The following HSF1 variants were observed in gnomAD, a reference collection of about 807,000 sequenced individuals.
HSF1 encodes the protein heat shock factor protein 1.
A neutral mutation model predicts 51.7 loss-of-function variants in HSF1; 32 were observed. The ratio of observed to expected loss-of-function variants is 0.62; its 90% CI spans 0.47 to 0.83. The LOEUF (loss-of-function observed/expected upper bound fraction) is 0.83. Ranked by LOEUF, HSF1 falls within the 40% of genes least tolerant of loss-of-function variation. The probability of loss-of-function intolerance (pLI) is 0.00; values close to 1 mark genes in which losing one functional copy is unlikely to be tolerated. For synonymous variants in HSF1, 396 were observed against 309.7 expected (o/e 1.28, Z -2.92); for missense variants, 727 against 717.0 (o/e 1.01, Z -0.16).
At chr8:144,311,075 C>G (rs1299510916) in intron 4 of HSF1, 99 bp from the exon 5 acceptor site, 2 of 1,137,860 alleles carry the variant, frequency 1.8e-6, no homozygotes, top group South Asian at 2.8e-5. Context: ...GTCACACTTA[C>G]CCCTGCTCCT....
intron 1 of HSF1, among the ~76,000 whole-genome samples, chr8:144,308,280 C>T (rs373643116): frequency 8.5e-5 from 13 of 152,358 alleles, no homozygotes; most frequent in African/African-American, 2.6e-4. Flanking sequence ...CCACGGCCAA[C>T]AGGGATGCCT....
intron 9 of HSF1, 90 bp from the exon 10 acceptor site, chr8:144,313,421 G>C (rs1816822531): frequency 1.2e-6 from 1 of 842,248 alleles, no homozygotes; most frequent in African/African-American, 1.7e-5. Context: ...AGCCTGGGGG[G>C]TACAGTCAAG....
intron 3 of HSF1, 39 bp from the exon 4 acceptor site, chr8:144,309,733 A>G: frequency 6.2e-7 from 1 of 1,607,562 alleles, no homozygotes; most frequent in Non-Finnish European, 8.5e-7. Flanking sequence ...CCAAGCTCCT[A>G]GGCTGCTCCA....
At chr8:144,308,151 G>A (rs4256628) in intron 1 of HSF1, among the ~76,000 whole-genome samples, 15,400 of 152,168 alleles carry the variant, frequency 0.1, 944 homozygotes, top group Non-Finnish European at 0.13. Flanking sequence ...TGAGTCAGCC[G>A]CCCCTTCCTA....
chr8:144,308,803 C>T (rs1356524983), intron 1 of HSF1, 103 bp from the exon 2 acceptor site: 11 of 924,056 alleles, frequency 1.2e-5, no homozygotes, highest in Admixed American at 7.1e-5. Context: ...TCAGGTGGAA[C>T]GTGCACTGCC....
Position 144,312,192 on chromosome 8 carries a change from C to CCCCCGCCCACCTCCA in HSF1, c.1095_1109dup (p.Pro366_Pro370dup). 1 of 1,589,584 alleles carries CCCCCGCCCACCTCCA rather than the reference C, an allele frequency of 6.3e-7. No individual in the cohort carries two copies. The highest frequency in any genetic ancestry group is 8.6e-7 in the Non-Finnish European group (1 of 1,163,668). On this transcript the variant is annotated inframe_insertion, in exon 9 of 13. Coordinates refer to ENST00000528838, the MANE Select transcript of HSF1 (RefSeq NM_005526.4). Reference sequence around the variant, plus strand: ...GGACACCGAGGGCCGGCCTCCCTCCCCCCCGCCCACCTCCACCCCTGAAAA... The same window carrying CCCCCGCCCACCTCCA: ...GGACACCGAGGGCCGGCCTCCCTCCCCCCCGCCCACCTCCACCCCGCCCACCTCCACCCCTGAAAA...
rs1173101588 is a variant in HSF1 at position 144,314,337 on chromosome 8, C to T, written c.*7C>T. 3.9e-6 allele frequency: 6 copies of T among 1,543,902 alleles called. No homozygotes were observed. The highest frequency in any genetic ancestry group is 4.9e-5 in the East Asian group (2 of 40,728). On this transcript the variant is annotated 3_prime_UTR_variant, in exon 13 of 13. Transcript: ENST00000528838. Reference sequence around the variant, plus strand: ...GGACCCCACTGTCTCCTAGAGGCCCCGGAGGAGCTGGGCCAGCCGCCCACC... The same window carrying T: ...GGACCCCACTGTCTCCTAGAGGCCCTGGAGGAGCTGGGCCAGCCGCCCACC...
chr8:144,301,187 C>T (rs574298674), intron 1 of HSF1, among the ~76,000 whole-genome samples: 19 of 151,892 alleles, frequency 1.3e-4, no homozygotes, highest in African/African-American at 3.9e-4. Context: ...GGGAGGCTGA[C>T]ATGGGTGGAT....
At chr8:144,296,902 G>A (rs1213919854) in intron 1 of HSF1, among the ~76,000 whole-genome samples, 1 of 147,192 alleles carries the variant, frequency 6.8e-6, no homozygotes, top group Non-Finnish European at 1.5e-5. Context: ...AGCCTCCTGT[G>A]TTTCCTCTGC....
chr8:144,311,934 C>T, intron 8 of HSF1, 29 bp from the exon 9 acceptor site: 1 of 1,581,996 alleles, frequency 6.3e-7, no homozygotes, highest in Non-Finnish European at 8.6e-7. Context: ...GGCCGAGACG[C>T]CAGCTCACCT....
chr8:144,292,564 T>A (rs188782318), intron 1 of HSF1: 30 of 152,370 alleles, frequency 2.0e-4, no homozygotes, highest in Admixed American at 1.9e-3. Context: ...TCAGTGATTG[T>A]CTGGAGTTGG....
chr8:144,314,119 C>T lies in HSF1; in HGVS notation c.1385-6C>T. 1 of 1,544,894 alleles carries T rather than the reference C, an allele frequency of 6.5e-7. No individual in the cohort carries two copies. The highest frequency in any genetic ancestry group is 1.2e-5 in the South Asian group (1 of 83,916). On this transcript the variant is annotated splice_polypyrimidine_tract_variant and splice_region_variant and intron_variant, in intron 12 of 12. Transcript: ENST00000528838. ...CCCCACCGCCTTGACACCCCCACCC[C>T]CGCAGGGAAGCAGCTGGTGCACTAC...
chr8:144,309,282 A>T (rs1816436837), intron 2 of HSF1, 173 bp from the exon 3 acceptor site: 1 of 823,956 alleles, frequency 1.2e-6, no homozygotes, highest in African/African-American at 1.7e-5. Context: ...CTGTGGGGAC[A>T]CAGGGTCTCC....
intron 9 of HSF1, 31 bp downstream of exon 9, chr8:144,312,275 C>T (rs1554845084): frequency 2.0e-6 from 3 of 1,502,238 alleles, no homozygotes; most frequent in South Asian, 1.2e-5. Context: ...GCCCCACCCA[C>T]AGCGCCTGGA....
chr8:144,292,459 C>G (rs1554840551), intron 1 of HSF1: 2 of 152,288 alleles, frequency 1.3e-5, no homozygotes, highest in Non-Finnish European at 2.9e-5. Flanking sequence ...TATGGGGCAT[C>G]TTTATTCGTG....
intron 1 of HSF1, among the ~76,000 whole-genome samples, chr8:144,295,877 T>A (rs1478206071): frequency 6.6e-6 from 1 of 152,176 alleles, no homozygotes; most frequent in Non-Finnish European, 1.5e-5. Context: ...GCATTCCTTT[T>A]TAAGACCTAC....
At chr8:144,294,613 G>A (rs1459468723) in intron 1 of HSF1, among the ~76,000 whole-genome samples, 1 of 152,272 alleles carries the variant, frequency 6.6e-6, no homozygotes, top group Non-Finnish European at 1.5e-5. Flanking sequence ...ATGGGACCAG[G>A]TCTGGACCAC....
chr8:144,294,918 C>T (rs936495318), intron 1 of HSF1, among the ~76,000 whole-genome samples: 5 of 152,224 alleles, frequency 3.3e-5, no homozygotes, highest in African/African-American at 9.6e-5. Flanking sequence ...AGAGCATGGG[C>T]GTGCACGTGG....
chr8:144,303,753 C>G (rs1816042946), intron 1 of HSF1, among the ~76,000 whole-genome samples: 1 of 152,108 alleles, frequency 6.6e-6, no homozygotes, highest in African/African-American at 2.4e-5. Context: ...TGGCACATGC[C>G]TGTAATACCA....
Sources: allele counts gnomAD v4.1 joint callset (sites outside exome capture counted in the v4.1 genomes callset), GRCh38; gene constraint gnomAD v4.1.1; transcripts MANE v1.5; gene names NCBI Gene and HGNC (gene_info 2026-07-23, HGNC 2026-07-21).